SAMMSON: variants seen among roughly 807,000 people sequenced by gnomAD.
SAMMSON encodes the protein survival associated mitochondrial melanoma specific oncogenic non-coding RNA.
At chr3:70,336,948 A>C (rs1702666080) in intron 7 of SAMMSON, among the ~76,000 whole-genome samples, 1 of 149,156 alleles carries the variant, frequency 6.7e-6, no homozygotes, top group South Asian at 2.1e-4. Flanking sequence ...ACCACCACCA[A>C]AGAATCAAAT....
chr3:70,393,402 G>T (rs937011536), downstream of SAMMSON, among the ~76,000 whole-genome samples: 3 of 152,134 alleles, frequency 2.0e-5, no homozygotes, highest in Non-Finnish European at 4.4e-5. Context: ...AACAAATGGT[G>T]GTTATTTTAC....
chr3:70,216,504 A>G (rs1414048657), intron 4 of SAMMSON, among the ~76,000 whole-genome samples: 2 of 152,062 alleles, frequency 1.3e-5, no homozygotes, highest in Non-Finnish European at 2.9e-5. Context: ...CCAGAGTCAC[A>G]TAACTAGTAA....
intron 1 of SAMMSON, among the ~76,000 whole-genome samples, chr3:70,012,093 G>A (rs2066958682): frequency 6.6e-6 from 1 of 152,090 alleles, no homozygotes; most frequent in African/African-American, 2.4e-5. Context: ...TCCAATCCAT[G>A]ATCCAGAGCT....
At position 70,267,193 on chromosome 3, in the gene SAMMSON, C is replaced by T. The variant is rs187491748; in HGVS notation, n.674+17523C>T. 1.4e-3 allele frequency among the ~76,000 whole-genome samples: 211 copies of T among 152,040 alleles called. 1 individual carries two copies. The highest frequency in any genetic ancestry group is 4.3e-3 in the African/African-American group (179 of 41,452). On this transcript the variant is annotated intron_variant and non_coding_transcript_variant, in intron 6 of 9. Transcript: ENST00000642114. ...TATGTAGGGATTTTATACTTAATTC[C>T]CCCTTATGTTTTAGACAGTAAAAGA...
chr3:70,085,130 G>A (rs1434167238), intron 4 of SAMMSON, among the ~76,000 whole-genome samples: 1 of 152,158 alleles, frequency 6.6e-6, no homozygotes, highest in Non-Finnish European at 1.5e-5. Flanking sequence ...ACATCAAACT[G>A]TAGAGTGGGC....
chr3:70,314,992 T>G (rs113828651), intron 7 of SAMMSON, among the ~76,000 whole-genome samples: 29 of 150,952 alleles, frequency 1.9e-4, no homozygotes, highest in African/African-American at 6.7e-4. Context: ...CTTTGGAGAG[T>G]ATGGATTCTT....
At chr3:70,103,090 C>G (rs1422467569) in intron 4 of SAMMSON, among the ~76,000 whole-genome samples, 1 of 152,148 alleles carries the variant, frequency 6.6e-6, no homozygotes, top group Non-Finnish European at 1.5e-5. Context: ...CTCTGGCAAA[C>G]TGGAATGCCC....
chr3:70,009,637 C>T (rs1016437793), intron 1 of SAMMSON, among the ~76,000 whole-genome samples: 1 of 151,784 alleles, frequency 6.6e-6, no homozygotes, highest in African/African-American at 2.4e-5. Flanking sequence ...TCTCTATTCC[C>T]TTCAGTTCTG....
At chr3:70,017,893 T>C (rs1437585004) in intron 3 of SAMMSON, among the ~76,000 whole-genome samples, 3 of 152,170 alleles carry the variant, frequency 2.0e-5, no homozygotes, top group East Asian at 3.9e-4. Flanking sequence ...TGTTTATTGA[T>C]TTGCATATGT....
chr3:70,198,492 T>C (rs1331911433), intron 4 of SAMMSON, among the ~76,000 whole-genome samples: 1 of 152,202 alleles, frequency 6.6e-6, no homozygotes, highest in Non-Finnish European at 1.5e-5. Flanking sequence ...GAACAAATAT[T>C]TTAAAGAAAG....
At chr3:70,021,667 G>A (rs2067013766) in intron 3 of SAMMSON, among the ~76,000 whole-genome samples, 1 of 151,986 alleles carries the variant, frequency 6.6e-6, no homozygotes, top group Admixed American at 6.6e-5. Context: ...AGATTGTGGT[G>A]ATATTAACAG....
At chr3:70,107,821 G>T (rs1357902408) in intron 4 of SAMMSON, among the ~76,000 whole-genome samples, 1 of 152,052 alleles carries the variant, frequency 6.6e-6, no homozygotes, top group African/African-American at 2.4e-5. Context: ...CCAGATACAT[G>T]GAGAATTTTA....
At chr3:70,217,944 C>A (rs560910690) in intron 4 of SAMMSON, among the ~76,000 whole-genome samples, 1 of 152,188 alleles carries the variant, frequency 6.6e-6, no homozygotes, top group Admixed American at 6.6e-5. Flanking sequence ...AAGATGTATA[C>A]AGAGGCCTTG....
At chr3:70,035,114 G>T (rs139986576) in intron 3 of SAMMSON, among the ~76,000 whole-genome samples, 67 of 152,188 alleles carry the variant, frequency 4.4e-4, no homozygotes, top group African/African-American at 1.5e-3. Context: ...TATGTGAAGG[G>T]GGGGATTCAC....
chr3:70,000,185 A>G (rs2066900447), intron 1 of SAMMSON, among the ~76,000 whole-genome samples: 1 of 152,184 alleles, frequency 6.6e-6, no homozygotes, highest in African/African-American at 2.4e-5. Flanking sequence ...ACACACGTCC[A>G]CTGGGGCTTC....
rs140308195 is a variant in SAMMSON at position 70,018,193 on chromosome 3, G to A, written n.417+4521G>A. ...CCTTCTTGTACCTCTGATAGAATTC[G>A]GCTGTGAATCCATCTGGTTCTGGAC... On this transcript the variant is annotated intron_variant and non_coding_transcript_variant, in intron 3 of 9. Coordinates refer to ENST00000642114, the Ensembl canonical transcript of SAMMSON. Among the ~76,000 whole-genome samples the A allele has an allele frequency of 1.8e-3, 267 of 152,148 alleles. 2 individuals carry two copies. The highest frequency in any genetic ancestry group is 6.2e-3 in the African/African-American group (256 of 41,516).
intron 9 of SAMMSON, among the ~76,000 whole-genome samples, chr3:70,360,033 A>G (rs892810312): frequency 6.6e-6 from 1 of 152,094 alleles, no homozygotes; most frequent in African/African-American, 2.4e-5. Flanking sequence ...AATGGAACAG[A>G]CTTCCGTCGG....
chr3:70,069,699 C>T (rs1170308061), intron 3 of SAMMSON: 1 of 152,074 alleles, frequency 6.6e-6, no homozygotes, highest in Non-Finnish European at 1.5e-5. Context: ...CATGACAACC[C>T]TATGCAGGGG....
chr3:70,388,779 G>A (rs34170455), intron 9 of SAMMSON, among the ~76,000 whole-genome samples: 15,217 of 152,144 alleles, frequency 0.1, 884 homozygotes, highest in East Asian at 0.27. Flanking sequence ...AGAGATATCA[G>A]TGCTAATATC....
Sources: allele counts gnomAD v4.1 joint callset (sites outside exome capture counted in the v4.1 genomes callset), GRCh38; gene constraint gnomAD v4.1.1; transcripts MANE v1.5; gene names NCBI Gene and HGNC (gene_info 2026-07-23, HGNC 2026-07-21).